TASP1: variants seen among roughly 807,000 people sequenced by gnomAD.
TASP1 encodes threonine aspartase 1.
In TASP1, 16 loss-of-function variants were observed where a neutral mutation model predicts 56.6. The observed-to-expected ratio is 0.28, with a 90% CI of 0.19 to 0.43. TASP1 has a LOEUF of 0.43. Among genes scored for constraint, TASP1 ranks in the 20% least tolerant of loss-of-function variants. The pLI, the probability that TASP1 is intolerant of heterozygous loss-of-function variation, is 1.00. For missense variants in TASP1, 393 were observed against 511.6 expected, an observed-to-expected ratio of 0.77 and a Z score of 2.24; for synonymous variants, 179 against 184.2, an observed-to-expected ratio of 0.97 and a Z score of 0.23.
At chr20:13,156,792 A>G in the TASP1 span, among the ~76,000 whole-genome samples, 1 of 152,208 alleles carries the variant, frequency 6.6e-6, no homozygotes, top group Non-Finnish European at 1.5e-5. Context: ...ACTCTGCAAC[A>G]ATGATGATCA....
At chr20:13,574,946 T>C (rs1054072519) in intron 6 of TASP1, among the ~76,000 whole-genome samples, 5 of 152,098 alleles carry the variant, frequency 3.3e-5, no homozygotes, top group African/African-American at 1.2e-4. Flanking sequence ...GGAATTTTTT[T>C]CCCAAAGTTG....
At chr20:13,425,648 C>T (rs6079062) in intron 12 of TASP1, among the ~76,000 whole-genome samples, 79,045 of 151,884 alleles carry the variant, frequency 0.52, 22,636 homozygotes, top group Non-Finnish European at 0.65. Flanking sequence ...TCAAATGGCA[C>T]GCCCTGGGAC....
At chr20:13,124,204 G>T in the TASP1 span, among the ~76,000 whole-genome samples, 1 of 152,038 alleles carries the variant, frequency 6.6e-6, no homozygotes, top group African/African-American at 2.4e-5. Flanking sequence ...GGATGCCAGG[G>T]ACTAGCCTTA....
At chr20:13,620,262 A>G (rs1600185350) in intron 4 of TASP1, among the ~76,000 whole-genome samples, 1 of 141,314 alleles carries the variant, frequency 7.1e-6, no homozygotes, top group East Asian at 2.1e-4. Flanking sequence ...TCTCTGTGGT[A>G]TTTACACACA....
the TASP1 span, among the ~76,000 whole-genome samples, chr20:13,163,367 C>CAAAAAA: frequency 2.0e-4 from 18 of 89,946 alleles, no homozygotes; most frequent in African/African-American, 3.1e-4. Flanking sequence ...GACGCTGTCT[C>CAAAAAA]AAAAAAAAAA....
At chr20:13,494,515 C>T (rs1310293560) in intron 10 of TASP1, among the ~76,000 whole-genome samples, 1 of 152,120 alleles carries the variant, frequency 6.6e-6, no homozygotes, top group Non-Finnish European at 1.5e-5. Flanking sequence ...CACTGACTCA[C>T]TGATTAAATA....
At chr20:13,257,932 C>T in the TASP1 span, among the ~76,000 whole-genome samples, 53 of 152,066 alleles carry the variant, frequency 3.5e-4, no homozygotes, top group Admixed American at 1.6e-3. Context: ...AGGACAGCAC[C>T]GTACAGTGAA....
chr20:13,622,552 C>T (rs2048752059), intron 4 of TASP1, among the ~76,000 whole-genome samples: 1 of 152,110 alleles, frequency 6.6e-6, no homozygotes, highest in Non-Finnish European at 1.5e-5. Context: ...ATACAGAAAA[C>T]ACGGCTAGGA....
chr20:13,182,736 C>T, the TASP1 span, among the ~76,000 whole-genome samples: 1 of 152,150 alleles, frequency 6.6e-6, no homozygotes, highest in Non-Finnish European at 1.5e-5. Flanking sequence ...CAGTCCCTAA[C>T]CCACAGCAGA....
At chr20:13,148,363 C>T in the TASP1 span, among the ~76,000 whole-genome samples, 1 of 152,144 alleles carries the variant, frequency 6.6e-6, no homozygotes, top group South Asian at 2.1e-4. Context: ...AGAGATAGAA[C>T]AGGAACAGAC....
intron 11 of TASP1, among the ~76,000 whole-genome samples, chr20:13,475,274 A>G (rs1473285026): frequency 6.6e-6 from 1 of 152,174 alleles, no homozygotes; most frequent in African/African-American, 2.4e-5. Context: ...TGCATTTTCT[A>G]ACTTAAGTAT....
At chr20:13,184,611 A>T in the TASP1 span, among the ~76,000 whole-genome samples, 4 of 152,256 alleles carry the variant, frequency 2.6e-5, no homozygotes, top group East Asian at 5.8e-4. Context: ...GTTGTCATGG[A>T]CTTATGGGCA....
At chr20:13,341,914 G>A in the TASP1 span, among the ~76,000 whole-genome samples, 2 of 152,174 alleles carry the variant, frequency 1.3e-5, no homozygotes, top group African/African-American at 2.4e-5. Context: ...TCCTCCTCCC[G>A]CAGGCTAGCC....
At chr20:13,171,496 AG>A in the TASP1 span, among the ~76,000 whole-genome samples, 3 of 152,210 alleles carry the variant, frequency 2.0e-5, no homozygotes, top group African/African-American at 7.2e-5. Context: ...TCAAAGTTAA[AG>A]ATTTCCTATA....
the TASP1 span, among the ~76,000 whole-genome samples, chr20:13,185,402 T>C: frequency 6.6e-6 from 1 of 152,080 alleles, no homozygotes; most frequent in Non-Finnish European, 1.5e-5. Context: ...GTACCTCTCA[T>C]ACATTATTCC....
chr20:13,536,000 A>G (rs1440038356), intron 8 of TASP1, among the ~76,000 whole-genome samples: 1 of 152,222 alleles, frequency 6.6e-6, no homozygotes, highest in African/African-American at 2.4e-5. Context: ...TTAAAGAGAA[A>G]TATACTTTTA....
intron 8 of TASP1, among the ~76,000 whole-genome samples, chr20:13,542,359 T>C (rs780329820): frequency 2.0e-5 from 3 of 152,204 alleles, no homozygotes; most frequent in East Asian, 1.9e-4. Context: ...TTTGTATGTA[T>C]TTTTAAAAGC....
chr20:13,542,307 G>GC (rs1385138530), intron 8 of TASP1, among the ~76,000 whole-genome samples: 1 of 152,092 alleles, frequency 6.6e-6, no homozygotes, highest in East Asian at 1.9e-4. Context: ...CATGATAAAT[G>GC]CTGAAAGCTT....
intron 9 of TASP1, among the ~76,000 whole-genome samples, chr20:13,531,079 T>G (rs192043142): frequency 1.3e-3 from 191 of 152,314 alleles, no homozygotes; most frequent in Non-Finnish European, 2.2e-3. Flanking sequence ...ATTAACGTAC[T>G]TGCTGAACAT....
Sources: gnomAD v4.1 joint callset for allele counts (sites outside exome capture counted in the v4.1 genomes callset) on GRCh38, gnomAD v4.1.1 for gene constraint, MANE v1.5 for transcripts, NCBI Gene and HGNC (gene_info 2026-07-23, HGNC 2026-07-21) for gene names.